HGS: variants seen among roughly 807,000 people sequenced by gnomAD.
HGS encodes the protein hepatocyte growth factor-regulated tyrosine kinase substrate, also known as human growth factor-regulated tyrosine kinase substrate.
A neutral mutation model predicts 109.7 loss-of-function variants in HGS; 63 were observed. The ratio of observed to expected loss-of-function variants is 0.57; its 90% CI spans 0.47 to 0.71. The LOEUF (loss-of-function observed/expected upper bound fraction) is 0.71. Among genes scored for constraint, HGS ranks in the 30% least tolerant of loss-of-function variants. The pLI, the probability that HGS is intolerant of heterozygous loss-of-function variation, is 0.00. For synonymous variants in HGS, 546 were observed against 437.3 expected, an observed-to-expected ratio of 1.25 and a Z score of -3.10; for missense variants, 995 against 1,068.3, an observed-to-expected ratio of 0.93 and a Z score of 0.96.
In HGS at chr17:81,686,391, A is replaced by G. The variant is rs369666325; in HGVS notation, c.198+4A>G. Reference sequence around the variant, plus strand: ...CGTCGCCTTGTATGCCCTGGAGGTAAGCAGACCCCCGTGCCTCAGTGGCCC... The same window carrying G: ...CGTCGCCTTGTATGCCCTGGAGGTAGGCAGACCCCCGTGCCTCAGTGGCCC... On this transcript the variant is annotated splice_donor_region_variant and intron_variant, in intron 3 of 21. Coordinates refer to ENST00000329138, the MANE Select transcript of HGS (RefSeq NM_004712.5). 3.1e-6 allele frequency: 5 copies of G among 1,612,622 alleles called. No individual in the cohort carries two copies. The African/African-American group carries it at 4.0e-5, about 13-fold the overall frequency.
chr17:81,694,775 C>T, intron 11 of HGS, 40 bp from the exon 12 acceptor site: 1 of 1,613,850 alleles, frequency 6.2e-7, no homozygotes, highest in Non-Finnish European at 8.5e-7. Flanking sequence ...AAGCAACTGG[C>T]TCTGTCACCT....
At chr17:81,701,301 G>A (rs2037233840) in intron 21 of HGS, 170 bp downstream of exon 21, 1 of 790,924 alleles carries the variant, frequency 1.3e-6, no homozygotes, top group South Asian at 1.7e-5. Flanking sequence ...ACAAGTCTCA[G>A]GGCAGATACG....
chr17:81,685,181 G>A (rs1231974997), intron 1 of HGS: 6 of 540,852 alleles, frequency 1.1e-5, no homozygotes, highest in Non-Finnish European at 1.4e-5. Flanking sequence ...CCTTGCCCAA[G>A]CTAAGGTCCC....
In HGS at chr17:81,701,813, T is replaced by C; in HGVS notation, c.*195T>C. ...GCAGTCCCTGAGTTAGTCTCTGCTT[T>C]CTTTCCCCAGGGCTGGGCCATGGGG... On this transcript the variant is annotated 3_prime_UTR_variant, in exon 22 of 22. Coordinates refer to ENST00000329138, the MANE Select transcript of HGS (RefSeq NM_004712.5). 1 of 788,648 alleles carries C rather than the reference T, an allele frequency of 1.3e-6. No homozygotes were observed. The highest frequency in any genetic ancestry group is 1.9e-6 in the Non-Finnish European group (1 of 538,532). The allele number at this position is 788,648 out of a possible 1,614,324, so 48.9% of individuals were successfully genotyped here.
chr17:81,701,456 C>G, intron 21 of HGS, 52 bp from the exon 22 acceptor site: 1 of 1,512,022 alleles, frequency 6.6e-7, no homozygotes, highest in Non-Finnish European at 8.9e-7. Context: ...AGCCTTCCTC[C>G]CTGGGCTGGG....
intron 5 of HGS, 142 bp from the exon 6 acceptor site, chr17:81,690,040 G>C (rs1450515078): frequency 9.0e-6 from 7 of 781,360 alleles, no homozygotes; most frequent in Non-Finnish European, 1.4e-5. Context: ...TTGGGGGCAG[G>C]AGGCTGTCTC....
intron 18 of HGS, among the ~76,000 whole-genome samples, chr17:81,699,165 C>A (rs923585664): frequency 6.6e-6 from 1 of 152,142 alleles, no homozygotes; most frequent in African/African-American, 2.4e-5. Context: ...CTCAATTGCT[C>A]AGCCCTAGAA....
At position 81,701,941 on chromosome 17, in the gene HGS, C is replaced by T. The variant is rs148132667; in HGVS notation, c.*323C>T. The T allele has an allele frequency of 2.5e-3, 591 of 236,118 alleles. 1 individual carries two copies. Among genetic ancestry groups the T allele is most frequent in the African/African-American group, 0.013 (561 of 44,250 alleles). 14.6% of individuals were successfully genotyped at this position (236,118 alleles called of 1,614,324 possible). A position where few individuals can be genotyped will look rare whatever the true frequency, so the allele number is the denominator to read the frequency against. ...TCACCCCCCAAGCAGCCTGTGCCCT[C>T]TGGCCGCACTGTGAGCTGGCTGTGG... On this transcript the variant is annotated 3_prime_UTR_variant, in exon 22 of 22. Coordinates refer to ENST00000329138, the MANE Select transcript of HGS (RefSeq NM_004712.5).
intron 21 of HGS, 180 bp from the exon 22 acceptor site, chr17:81,701,328 G>C (rs1351328059): frequency 1.2e-6 from 1 of 834,000 alleles, no homozygotes; most frequent in Non-Finnish European, 1.9e-6. Context: ...CGCAAGTGTA[G>C]ACAGGAAAAA....
intron 13 of HGS, 41 bp from the exon 14 acceptor site, chr17:81,695,123 G>A (rs1446216577): frequency 1.2e-6 from 2 of 1,613,690 alleles, no homozygotes; most frequent in Non-Finnish European, 1.7e-6. Context: ...AGGGGTGGAT[G>A]CGGGACAGGT....
At position 81,695,958 on chromosome 17, in the gene HGS, C is replaced by T; in HGVS notation, c.1352C>T (p.Pro451Leu). Residue 451 changes from proline to leucine, a missense_variant, in exon 15 of 22, where the codon CCG (proline) becomes CTG (leucine). Pro to Leu is a moderately conservative substitution (Grantham distance 98). Around this residue, in one of 6 missense-constraint regions of HGS, gnomAD observed 163 missense variants for 217.8 expected, o/e 0.75. Coordinates refer to ENST00000329138, the MANE Select transcript of HGS (RefSeq NM_004712.5). ...TTCCAGTCCATCAACGGCATGCACC[C>T]GCAGCTGCTGGAGCTGCTCAACCAG... ...SLFQSINGMH[P>L]QLLELLNQLD... The T allele has an allele frequency of 6.3e-7, 1 of 1,576,372 alleles. No homozygotes were observed. The highest frequency in any genetic ancestry group is 8.6e-7 in the Non-Finnish European group (1 of 1,157,186).
chr17:81,685,201 G>A (rs1272688422), intron 1 of HGS: 8 of 356,484 alleles, frequency 2.2e-5, no homozygotes, highest in African/African-American at 1.1e-4. Context: ...CATTGAAACC[G>A]GGAGCATCTG....
intron 1 of HGS, among the ~76,000 whole-genome samples, chr17:81,685,380 C>G (rs959420382): frequency 3.9e-5 from 6 of 152,300 alleles, no homozygotes; most frequent in Admixed American, 6.5e-5. Context: ...TGTGGGAGGG[C>G]TTGGACCAGC....
chr17:81,696,301 G>T, intron 15 of HGS, 56 bp from the exon 16 acceptor site: 1 of 1,473,022 alleles, frequency 6.8e-7, no homozygotes, highest in Non-Finnish European at 9.0e-7. Context: ...GTTCCACCCA[G>T]GAGCTTCTCG....
Position 81,691,630 on chromosome 17 carries a change from C to T in HGS, c.662+59C>T. On this transcript the variant is annotated intron_variant, in intron 8 of 21. Coordinates refer to ENST00000329138, the MANE Select transcript of HGS (RefSeq NM_004712.5). The surrounding 1 kb of genome is among the most constrained non-coding windows in gnomAD (Gnocchi z 5.3). Reference sequence around the variant, plus strand: ...GGGCAGGCTCTCCAGGCTGGGTTTTCTGTCCCTCTTGGCCATGGTGCCTGA... The same window carrying T: ...GGGCAGGCTCTCCAGGCTGGGTTTTTTGTCCCTCTTGGCCATGGTGCCTGA... 3 of 1,608,210 alleles carry T rather than the reference C, an allele frequency of 1.9e-6. No individual in the cohort carries two copies. The highest frequency in any genetic ancestry group is 4.5e-5 in the East Asian group (2 of 44,748).
rs2036926995 is a variant in HGS at position 81,684,035 on chromosome 17, C to G, written c.-32C>G. 6.3e-7 allele frequency: 1 copy of G among 1,581,840 alleles called. No individual in the cohort carries two copies. The highest frequency in any genetic ancestry group is 8.6e-7 in the Non-Finnish European group (1 of 1,167,554). Reference sequence around the variant, plus strand: ...CGCGCCAGCTCGTAGCAGGGGAGCGCCCGCGGCGTCGGGTTTGGGCTGGAG... The same window carrying G: ...CGCGCCAGCTCGTAGCAGGGGAGCGGCCGCGGCGTCGGGTTTGGGCTGGAG... On this transcript the variant is annotated 5_prime_UTR_variant, in exon 1 of 22. Transcript: ENST00000329138.
At chr17:81,685,321 C>T (rs1465704695) in intron 1 of HGS, among the ~76,000 whole-genome samples, 2 of 152,190 alleles carry the variant, frequency 1.3e-5, no homozygotes, top group Non-Finnish European at 2.9e-5. Context: ...GTGTGACTCA[C>T]GGCAGTGCCC....
Position 81,701,742 on chromosome 17 carries a change from G to C in HGS, c.*124G>C, listed in dbSNP as rs1403585904. The C allele has an allele frequency of 2.2e-6, 3 of 1,359,784 alleles. No individual in the cohort carries two copies. The highest frequency in any genetic ancestry group is 2.6e-5 in the Admixed American group (1 of 38,444). The allele number at this position is 1,359,784 out of a possible 1,614,324, so 84.2% of individuals were successfully genotyped here. A position where few individuals can be genotyped will look rare whatever the true frequency, so the allele number is the denominator to read the frequency against. On this transcript the variant is annotated 3_prime_UTR_variant, in exon 22 of 22. Transcript: ENST00000329138. ...GGTAGTGTCCCTTCTCTGCGAGTGA[G>C]GGGGGGCCTTCACCCCAAGCCCACC...
Position 81,691,636 on chromosome 17 carries a change from C to T in HGS, c.662+65C>T, listed in dbSNP as rs2144492717. 6.2e-7 allele frequency: 1 copy of T among 1,603,878 alleles called. No individual in the cohort carries two copies. Among genetic ancestry groups the T allele is most frequent in the Non-Finnish European group, 8.5e-7 (1 of 1,173,856 alleles). ...GCTCTCCAGGCTGGGTTTTCTGTCC[C>T]TCTTGGCCATGGTGCCTGAGGCCTG... is the stretch of plus-strand genomic sequence containing the variant. On this transcript the variant is annotated intron_variant, in intron 8 of 21. Coordinates refer to ENST00000329138, the MANE Select transcript of HGS (RefSeq NM_004712.5). The surrounding 1 kb of genome is among the most constrained non-coding windows in gnomAD (Gnocchi z 5.3).
Sources: gnomAD v4.1 joint callset for allele counts (sites outside exome capture counted in the v4.1 genomes callset) on GRCh38, gnomAD v4.1.1 for gene constraint, gnomAD v4.1.1 regional missense constraint, Gnocchi (gnomAD v3.1) non-coding constraint, MANE v1.5 for transcripts, NCBI Gene and HGNC (gene_info 2026-07-23, HGNC 2026-07-21) for gene names.